Variants in ERC2 observed in about 807,000 individuals in gnomAD.
ERC2 encodes ERC protein 2.
A neutral mutation model predicts 114.8 loss-of-function variants in ERC2; 42 were observed. The ratio of observed to expected loss-of-function variants is 0.37; its 90% CI spans 0.29 to 0.47. The LOEUF (loss-of-function observed/expected upper bound fraction) is 0.47, where lower values mean the gene tolerates loss of function less well. Ranked by LOEUF, ERC2 falls within the 20% of genes least tolerant of loss-of-function variation. ERC2 has a pLI of 0.99. For synonymous variants in ERC2, 454 were observed against 425.5 expected, an observed-to-expected ratio of 1.07 and a Z score of -0.82; for missense variants, 939 against 1,150.7, an observed-to-expected ratio of 0.82 and a Z score of 2.66.
intron 3 of ERC2, among the ~76,000 whole-genome samples, chr3:56,206,021 G>GTTA (rs2048704968): frequency 2.6e-5 from 4 of 152,130 alleles, no homozygotes. Flanking sequence ...GTTAACCTGT[G>GTTA]ACTGTAAGTT....
At chr3:55,722,355 G>GGCT (rs1226049686) in intron 15 of ERC2, among the ~76,000 whole-genome samples, 1 of 152,096 alleles carries the variant, frequency 6.6e-6, no homozygotes, top group African/African-American at 2.4e-5. Flanking sequence ...CAACTTTCCT[G>GGCT]GCTGCAGTTT....
At chr3:55,742,557 C>T (rs1017849869) in intron 14 of ERC2, among the ~76,000 whole-genome samples, 10 of 152,162 alleles carry the variant, frequency 6.6e-5, no homozygotes, top group African/African-American at 4.8e-5. Flanking sequence ...TAAGAGAAAG[C>T]CTACATTATG....
At chr3:55,998,249 T>TCA (rs1339551922) in intron 10 of ERC2, among the ~76,000 whole-genome samples, 6 of 151,892 alleles carry the variant, frequency 4.0e-5, no homozygotes, top group Admixed American at 6.6e-5. Flanking sequence ...TTTCTCTCTC[T>TCA]CTCACACACA....
intron 17 of ERC2, among the ~76,000 whole-genome samples, chr3:55,640,698 C>T (rs1575886708): frequency 6.6e-6 from 1 of 152,244 alleles, no homozygotes; most frequent in East Asian, 1.9e-4. Flanking sequence ...AGACAAACAT[C>T]CTGATTTTCC....
intron 16 of ERC2, among the ~76,000 whole-genome samples, chr3:55,690,467 A>T (rs904148003): frequency 6.6e-6 from 1 of 152,224 alleles, no homozygotes; most frequent in East Asian, 1.9e-4. Flanking sequence ...TTAAAGCAGC[A>T]AGTTGAAAAG....
At chr3:56,387,636 A>G (rs2059982061) in intron 2 of ERC2, among the ~76,000 whole-genome samples, 1 of 152,220 alleles carries the variant, frequency 6.6e-6, no homozygotes, top group Admixed American at 6.5e-5. Flanking sequence ...TTCGAAAATG[A>G]CAAGGAGATT....
At chr3:56,392,969 A>G (rs760598727) in intron 2 of ERC2, among the ~76,000 whole-genome samples, 1 of 152,108 alleles carries the variant, frequency 6.6e-6, no homozygotes. Context: ...CTTGCCCACA[A>G]GTCCTTTCTG....
chr3:55,962,783 C>T (rs1161795211), intron 12 of ERC2, among the ~76,000 whole-genome samples: 1 of 152,204 alleles, frequency 6.6e-6, no homozygotes, highest in Non-Finnish European at 1.5e-5. Context: ...AGACTATCTC[C>T]AACTCTTAAC....
chr3:55,942,374 C>A (rs1242396425), intron 13 of ERC2, among the ~76,000 whole-genome samples: 1 of 145,582 alleles, frequency 6.9e-6, no homozygotes, highest in Non-Finnish European at 1.5e-5. Flanking sequence ...CTGCAAGCTC[C>A]GCCTCCCGGG....
chr3:55,888,492 C>T lies in ERC2; in HGVS notation c.2461G>A (p.Ala821Thr). 7 of 1,613,854 alleles carry T rather than the reference C, an allele frequency of 4.3e-6. No individual in the cohort carries two copies. Among genetic ancestry groups the T allele is most frequent in the Non-Finnish European group, 5.1e-6 (6 of 1,179,830 alleles). ...GACTGTTGTGTGGAGGCGAGGCGTG[C>T]TTTGGTGGCATCCAGTTCCTGTCTG... ...KTRQELDATK[A>T]RLASTQQSLA... The change falls in exon 14 of 18, where the codon GCA (alanine) becomes ACA (threonine). Residue 821 changes from alanine to threonine, a missense_variant. Physicochemically the swap from Ala to Thr is moderately conservative, Grantham distance 58. This residue lies in a region of ERC2 where 328 missense variants were observed against 353.9 expected (regional missense o/e 0.93). Transcript: ENST00000288221.
intron 17 of ERC2, among the ~76,000 whole-genome samples, chr3:55,680,547 C>G (rs532241122): frequency 6.6e-6 from 1 of 152,220 alleles, no homozygotes; most frequent in South Asian, 2.1e-4. Context: ...AATTGAGGAG[C>G]TGCTTTTTCT....
intron 2 of ERC2, among the ~76,000 whole-genome samples, chr3:56,358,384 G>A (rs1312486938): frequency 2.0e-5 from 3 of 152,140 alleles, no homozygotes; most frequent in African/African-American, 7.2e-5. Flanking sequence ...CTTCCAAATA[G>A]TTCCTAGCAT....
At chr3:56,321,682 C>T (rs1049435538) in intron 2 of ERC2, among the ~76,000 whole-genome samples, 1 of 152,206 alleles carries the variant, frequency 6.6e-6, no homozygotes, top group Non-Finnish European at 1.5e-5. Context: ...GTTGAGCCTA[C>T]GTTCTGTTTT....
At chr3:55,641,845 T>A (rs1218321462) in intron 17 of ERC2, among the ~76,000 whole-genome samples, 1 of 152,198 alleles carries the variant, frequency 6.6e-6, no homozygotes, top group Non-Finnish European at 1.5e-5. Context: ...ATCTTTTCCA[T>A]CCATCTTACT....
chr3:55,610,064 C>CAAAAAAAAAAAAAAAAAAAAA (rs36088271), intron 17 of ERC2, among the ~76,000 whole-genome samples: 4 of 118,698 alleles, frequency 3.4e-5, no homozygotes, highest in Admixed American at 9.0e-5. Flanking sequence ...CAAACACAAA[C>CAAAAAAAAAAAAAAAAAAAAA]AAAAAAAAAA....
At chr3:56,066,694 A>T (rs2076498969) in intron 7 of ERC2, among the ~76,000 whole-genome samples, 1 of 152,142 alleles carries the variant, frequency 6.6e-6, no homozygotes, top group African/African-American at 2.4e-5. Context: ...GGGGTTTTAC[A>T]TTTAAGTCTT....
intron 12 of ERC2, among the ~76,000 whole-genome samples, chr3:55,982,369 C>G (rs1021557468): frequency 3.3e-5 from 5 of 151,782 alleles, no homozygotes; most frequent in African/African-American, 1.2e-4. Flanking sequence ...ATAAATTTAG[C>G]ACAATGTTCA....
chr3:56,176,060 A>G (rs1055273803), intron 3 of ERC2, among the ~76,000 whole-genome samples: 2 of 152,332 alleles, frequency 1.3e-5, no homozygotes, highest in South Asian at 2.1e-4. Flanking sequence ...GCTGGAGTTC[A>G]CTGTACCAAT....
chr3:56,452,370 C>CAGAT (rs1264312873), intron 1 of ERC2, among the ~76,000 whole-genome samples: 2 of 152,152 alleles, frequency 1.3e-5, no homozygotes, highest in African/African-American at 4.8e-5. Flanking sequence ...CAGGGTAGAC[C>CAGAT]AGATGATGCC....
Sources: allele counts gnomAD v4.1 joint callset (sites outside exome capture counted in the v4.1 genomes callset), GRCh38; gene constraint gnomAD v4.1.1; regional missense constraint gnomAD v4.1.1; transcripts MANE v1.5; gene names NCBI Gene and HGNC (gene_info 2026-07-23, HGNC 2026-07-21).